NRXN3: variants seen among roughly 807,000 people sequenced by gnomAD.
NRXN3 encodes neurexin III.
A neutral mutation model predicts 137.6 loss-of-function variants in NRXN3; 32 were observed. The ratio of observed to expected loss-of-function variants is 0.23; its 90% CI spans 0.18 to 0.31. The LOEUF is 0.31. NRXN3 is among the 10% of genes least tolerant of loss of function. The pLI is 1.00. For synonymous variants in NRXN3, 798 were observed against 784.5 expected, an observed-to-expected ratio of 1.02 and a Z score of -0.29; for missense variants, 1,574 against 2,062.5, an observed-to-expected ratio of 0.76 and a Z score of 4.59.
chr14:78,194,696 G>A (rs2061063549), intron 1 of NRXN3, among the ~76,000 whole-genome samples: 1 of 152,176 alleles, frequency 6.6e-6, no homozygotes, highest in Non-Finnish European at 1.5e-5. Flanking sequence ...GAGCAGAGGG[G>A]CTCCAGAGGC....
At chr14:79,470,841 A>G (rs958928253) in intron 16 of NRXN3, among the ~76,000 whole-genome samples, 4 of 151,098 alleles carry the variant, frequency 2.6e-5, no homozygotes, top group African/African-American at 9.7e-5. Context: ...ACAAACTCCA[A>G]AATTAGCCAG....
At chr14:78,638,586 G>T (rs1459847480) in intron 4 of NRXN3, among the ~76,000 whole-genome samples, 2 of 152,100 alleles carry the variant, frequency 1.3e-5, no homozygotes, top group African/African-American at 4.8e-5. Flanking sequence ...TCCACTAAAA[G>T]AATTTCTACT....
intron 16 of NRXN3, among the ~76,000 whole-genome samples, chr14:79,511,872 A>C (rs2096935616): frequency 6.6e-6 from 1 of 152,178 alleles, no homozygotes; most frequent in African/African-American, 2.4e-5. Flanking sequence ...ACAGCTAAGG[A>C]AAAAGCTTGT....
chr14:79,380,359 C>G (rs1036464667), intron 15 of NRXN3, among the ~76,000 whole-genome samples: 12 of 151,110 alleles, frequency 7.9e-5, no homozygotes, highest in African/African-American at 2.9e-4. Context: ...CCCCCCACCC[C>G]ACAACAGTTC....
intron 10 of NRXN3, among the ~76,000 whole-genome samples, chr14:78,915,067 A>G (rs948012018): frequency 6.6e-6 from 1 of 152,244 alleles, no homozygotes; most frequent in East Asian, 1.9e-4. Flanking sequence ...ATTAATGGAA[A>G]AGGAAATCTC....
Position 78,811,146 on chromosome 14 carries a change from A to G in NRXN3, c.2275+802A>G, listed in dbSNP as rs569465502. Among the ~76,000 whole-genome samples the G allele has an allele frequency of 5.9e-5, 9 of 152,368 alleles. No individual in the cohort carries two copies. The South Asian group carries it at 1.9e-3, about 32-fold the overall frequency. On this transcript the variant is annotated intron_variant, in intron 10 of 20. Transcript: ENST00000335750. ...AGAAATATGCTTTGAGTACTATAGC[A>G]TATTATATTAGGCTTATTAATACTA...
chr14:78,254,622 G>A (rs544717429), intron 2 of NRXN3, among the ~76,000 whole-genome samples: 2 of 150,650 alleles, frequency 1.3e-5, no homozygotes, highest in South Asian at 2.1e-4. Context: ...AGGTTGCAGT[G>A]AGCCGAGATC....
intron 4 of NRXN3, among the ~76,000 whole-genome samples, chr14:78,522,106 G>A (rs948360018): frequency 3.3e-5 from 5 of 152,112 alleles, no homozygotes; most frequent in Non-Finnish European, 7.4e-5. Context: ...TTTATCACTA[G>A]AAAAGCCATA....
chr14:79,280,513 C>G (rs2081103024), intron 15 of NRXN3: 1 of 1,612,822 alleles, frequency 6.2e-7, no homozygotes, highest in African/African-American at 1.3e-5. Context: ...TCTATCGTTC[C>G]CCTGTTTCCC....
intron 1 of NRXN3, among the ~76,000 whole-genome samples, chr14:78,201,246 C>T (rs983880954): frequency 3.9e-5 from 6 of 152,190 alleles, no homozygotes; most frequent in African/African-American, 7.2e-5. Context: ...ACTTCTTCCT[C>T]GAGATCGTAG....
At chr14:78,300,893 T>G (rs2076806011) in intron 4 of NRXN3, among the ~76,000 whole-genome samples, 1 of 152,216 alleles carries the variant, frequency 6.6e-6, no homozygotes, top group Non-Finnish European at 1.5e-5. Flanking sequence ...TTGGGGATGA[T>G]TCTGTGTTGG....
intron 6 of NRXN3, among the ~76,000 whole-genome samples, chr14:78,699,572 A>G (rs991791711): frequency 2.6e-5 from 4 of 152,190 alleles, no homozygotes; most frequent in African/African-American, 9.7e-5. Flanking sequence ...TCAGCAAGGT[A>G]TGTTTTAAAT....
intron 4 of NRXN3, among the ~76,000 whole-genome samples, chr14:78,612,285 G>A (rs1219816171): frequency 2.0e-5 from 3 of 152,128 alleles, no homozygotes. Context: ...TTAGTTCTTT[G>A]GGTCTTGAAA....
intron 11 of NRXN3, 63 bp downstream of exon 11, chr14:78,957,424 GCAAA>G (rs1275919593): frequency 6.4e-7 from 1 of 1,555,928 alleles, no homozygotes; most frequent in Non-Finnish European, 8.8e-7. Flanking sequence ...CACTGAGTGA[GCAAA>G]CAGTGTTTTG....
chr14:79,577,860 A>G (rs957759117), intron 16 of NRXN3, among the ~76,000 whole-genome samples: 1 of 152,222 alleles, frequency 6.6e-6, no homozygotes, highest in African/African-American at 2.4e-5. Context: ...CTGTTTGCAC[A>G]GCAGAACTGT....
chr14:78,778,794 TTC>T (rs1392218967), intron 8 of NRXN3, among the ~76,000 whole-genome samples: 4 of 146,134 alleles, frequency 2.7e-5, no homozygotes, highest in Non-Finnish European at 6.0e-5. Context: ...CTTTCTTTCT[TTC>T]TTTCTTTCTT....
chr14:78,282,787 C>G (rs2074591689), intron 3 of NRXN3, among the ~76,000 whole-genome samples: 1 of 152,178 alleles, frequency 6.6e-6, no homozygotes, highest in Admixed American at 6.5e-5. Context: ...TGCCCTGTCT[C>G]CAGGGAGCCA....
chr14:79,681,743 A>AT (rs113416580), intron 17 of NRXN3, among the ~76,000 whole-genome samples: 2,494 of 142,544 alleles, frequency 0.017, 36 homozygotes, highest in South Asian at 0.068. Context: ...GATTGTAGCT[A>AT]TTTTTTTTTT....
intron 15 of NRXN3, among the ~76,000 whole-genome samples, chr14:79,183,659 G>A (rs1332415948): frequency 6.6e-6 from 1 of 152,160 alleles, no homozygotes; most frequent in Non-Finnish European, 1.5e-5. Context: ...CAACTCTTCT[G>A]TTTCCTTGTC....
Sources: allele counts gnomAD v4.1 joint callset (sites outside exome capture counted in the v4.1 genomes callset), GRCh38; gene constraint gnomAD v4.1.1; transcripts MANE v1.5; gene names NCBI Gene and HGNC (gene_info 2026-07-23, HGNC 2026-07-21).